Variants in PHACTR1 observed in about 807,000 individuals in gnomAD.
PHACTR1 encodes the protein phosphatase and actin regulator 1.
A neutral mutation model predicts 69.2 loss-of-function variants in PHACTR1; 16 were observed. The observed-to-expected ratio is 0.23, with a 90% CI of 0.16 to 0.35. PHACTR1 has a LOEUF of 0.35. PHACTR1 is among the 10% of genes least tolerant of loss of function. The probability of loss-of-function intolerance (pLI) is 1.00; values close to 1 mark genes in which losing one functional copy is unlikely to be tolerated. For synonymous variants in PHACTR1, 312 were observed against 284.5 expected, an observed-to-expected ratio of 1.10 and a Z score of -0.97; for missense variants, 510 against 734.7, an observed-to-expected ratio of 0.69 and a Z score of 3.54.
chr6:13,204,812 G>C (rs1765677066), intron 7 of PHACTR1, among the ~76,000 whole-genome samples: 1 of 152,224 alleles, frequency 6.6e-6, no homozygotes, highest in Non-Finnish European at 1.5e-5. Context: ...TCGTCCCTAG[G>C]TGATGGAAGA....
At chr6:13,235,209 C>A (rs1454138248) in intron 10 of PHACTR1, among the ~76,000 whole-genome samples, 2 of 152,104 alleles carry the variant, frequency 1.3e-5, no homozygotes, top group Admixed American at 6.5e-5. Context: ...ACCCCACCTA[C>A]CCCGCCCCAT....
chr6:13,274,888 T>C lies in PHACTR1; in HGVS notation c.1447+1973T>C, dbSNP rs77897651. Reference sequence around the variant, plus strand: ...AATTAAAGAACTACTTGACCAATTCTAACAGGTTGGTCATTTCATAGTTTT... The same window carrying C: ...AATTAAAGAACTACTTGACCAATTCCAACAGGTTGGTCATTTCATAGTTTT... On this transcript the variant is annotated intron_variant, in intron 11 of 14. Coordinates refer to ENST00000332995, the MANE Select transcript of PHACTR1 (RefSeq NM_030948.6). 2.8e-4 allele frequency: 43 copies of C among 152,386 alleles called. No homozygotes were observed. In the East Asian group the frequency reaches 7.9e-3, roughly 28 times the overall value. The allele number at this position is 152,386 out of a possible 1,614,324, so 9.4% of individuals were successfully genotyped here.
At chr6:13,112,800 A>C (rs1434131047) in intron 5 of PHACTR1, among the ~76,000 whole-genome samples, 2 of 151,992 alleles carry the variant, frequency 1.3e-5, no homozygotes, top group African/African-American at 4.8e-5. Flanking sequence ...ATAGTTGCAA[A>C]ATTTTTCTCC....
chr6:12,888,110 CT>C (rs1287506622), intron 4 of PHACTR1, among the ~76,000 whole-genome samples: 1 of 138,884 alleles, frequency 7.2e-6, no homozygotes, highest in Non-Finnish European at 1.6e-5. Flanking sequence ...TGGGTGAGGT[CT>C]TTGGGGAAGT....
At chr6:12,956,769 T>A (rs1486037213) in intron 4 of PHACTR1, among the ~76,000 whole-genome samples, 2 of 152,052 alleles carry the variant, frequency 1.3e-5, no homozygotes, top group Non-Finnish European at 2.9e-5. Flanking sequence ...TATTTGCACA[T>A]GTTTTATAAA....
At chr6:13,187,550 G>T (rs949909938) in intron 7 of PHACTR1, among the ~76,000 whole-genome samples, 5 of 152,174 alleles carry the variant, frequency 3.3e-5, no homozygotes, top group Non-Finnish European at 1.5e-5. Flanking sequence ...TAATCCCTAG[G>T]CAGTGAAAAA....
At chr6:13,232,348 GA>G (rs1369367742) in intron 10 of PHACTR1, among the ~76,000 whole-genome samples, 2 of 152,176 alleles carry the variant, frequency 1.3e-5, no homozygotes, top group Non-Finnish European at 1.5e-5. Flanking sequence ...CCTCTTGGAG[GA>G]TATTGTAATG....
intron 11 of PHACTR1, among the ~76,000 whole-genome samples, chr6:13,277,162 A>C (rs937677835): frequency 1.3e-5 from 2 of 152,226 alleles, no homozygotes; most frequent in Non-Finnish European, 2.9e-5. Flanking sequence ...TCATCCAGTT[A>C]GCTTAAAAGG....
chr6:13,234,921 G>A (rs1336597501), intron 10 of PHACTR1, among the ~76,000 whole-genome samples: 1 of 152,156 alleles, frequency 6.6e-6, no homozygotes, highest in Admixed American at 6.5e-5. Context: ...GCCATCCACT[G>A]GGGTGCCAGG....
intron 3 of PHACTR1, among the ~76,000 whole-genome samples, chr6:12,741,251 A>G (rs953220378): frequency 6.6e-6 from 1 of 152,078 alleles, no homozygotes; most frequent in Middle Eastern, 3.4e-3. Flanking sequence ...ATGTCTATCT[A>G]TTCTTTTGTG....
chr6:13,173,850 G>A (rs574471546), intron 6 of PHACTR1, among the ~76,000 whole-genome samples: 29 of 152,278 alleles, frequency 1.9e-4, no homozygotes, highest in Admixed American at 1.2e-3. Flanking sequence ...TGGGATTACA[G>A]GCATGCGCCA....
intron 4 of PHACTR1, among the ~76,000 whole-genome samples, chr6:12,904,897 G>T (rs1162811873): frequency 6.6e-6 from 1 of 152,136 alleles, no homozygotes; most frequent in Non-Finnish European, 1.5e-5. Flanking sequence ...TTGAGATGAG[G>T]TATGCAAAGT....
intron 4 of PHACTR1, among the ~76,000 whole-genome samples, chr6:12,891,373 G>C: frequency 6.6e-6 from 1 of 152,082 alleles, no homozygotes; most frequent in East Asian, 1.9e-4. Flanking sequence ...ATGTGAGTTG[G>C]AAGTCAAACA....
At chr6:12,790,159 T>C (rs948087892) in intron 4 of PHACTR1, among the ~76,000 whole-genome samples, 1 of 152,172 alleles carries the variant, frequency 6.6e-6, no homozygotes, top group African/African-American at 2.4e-5. Flanking sequence ...ATATCATTCC[T>C]CTGTGAAAAA....
intron 3 of PHACTR1, among the ~76,000 whole-genome samples, chr6:12,744,969 T>A (rs773464797): frequency 3.9e-5 from 6 of 151,920 alleles, no homozygotes; most frequent in Admixed American, 2.6e-4. Flanking sequence ...GAGTTGAGAG[T>A]CTTTTGAAAA....
intron 10 of PHACTR1, 65 bp downstream of exon 10, chr6:13,230,258 G>A (rs1277628619): frequency 6.4e-7 from 1 of 1,563,336 alleles, no homozygotes; most frequent in Non-Finnish European, 8.7e-7. Flanking sequence ...TCTAGCAAAA[G>A]AATTCAGTCT....
chr6:12,938,200 C>T (rs1222243059), intron 4 of PHACTR1, among the ~76,000 whole-genome samples: 1 of 152,140 alleles, frequency 6.6e-6, no homozygotes, highest in African/African-American at 2.4e-5. Flanking sequence ...ATTTCATCCT[C>T]AAGGCAACTT....
intron 4 of PHACTR1, among the ~76,000 whole-genome samples, chr6:13,006,660 T>TACACAC (rs71819721): frequency 4.7e-5 from 7 of 149,620 alleles, no homozygotes; most frequent in African/African-American, 1.5e-4. Flanking sequence ...TGATATATGA[T>TACACAC]ACACACACAC....
intron 14 of PHACTR1, 94 bp from the exon 15 acceptor site, chr6:13,286,969 C>T (rs963816782): frequency 6.0e-5 from 83 of 1,388,188 alleles, no homozygotes; most frequent in Non-Finnish European, 6.3e-5. Context: ...CTCCCTCTCA[C>T]GGTCAAGAAC....
Sources: gnomAD v4.1 joint callset for allele counts (sites outside exome capture counted in the v4.1 genomes callset) on GRCh38, gnomAD v4.1.1 for gene constraint, MANE v1.5 for transcripts, NCBI Gene and HGNC (gene_info 2026-07-23, HGNC 2026-07-21) for gene names.